WWC2: variants seen among roughly 807,000 people sequenced by gnomAD.
The protein encoded by WWC2 is WW and C2 domain containing 2.
In WWC2, 101 loss-of-function variants were observed where a neutral mutation model predicts 138.5. The observed-to-expected ratio is 0.73, with a 90% CI of 0.62 to 0.86. The LOEUF (loss-of-function observed/expected upper bound fraction) is 0.86, where lower values mean the gene tolerates loss of function less well. Among genes scored for constraint, WWC2 ranks in the 40% least tolerant of loss-of-function variants. The pLI, the probability that WWC2 is intolerant of heterozygous loss-of-function variation, is 0.00. For synonymous variants in WWC2, 558 were observed against 538.4 expected (o/e 1.04, Z -0.50); for missense variants, 1,420 against 1,419.4 (o/e 1.00, Z -0.01).
At chr4:183,305,596 A>G (rs1739000489) in intron 21 of WWC2, among the ~76,000 whole-genome samples, 1 of 152,190 alleles carries the variant, frequency 6.6e-6, no homozygotes, top group African/African-American at 2.4e-5. Context: ...GCAAGAAGAG[A>G]GTGAGATGCA....
chr4:183,260,296 G>A (rs967062765), intron 10 of WWC2, among the ~76,000 whole-genome samples: 7 of 151,960 alleles, frequency 4.6e-5, no homozygotes, highest in African/African-American at 1.7e-4. Context: ...TTATCAACAG[G>A]TATTTGATTC....
At chr4:183,200,743 A>G (rs913363725) in intron 2 of WWC2, among the ~76,000 whole-genome samples, 1 of 152,218 alleles carries the variant, frequency 6.6e-6, no homozygotes, top group African/African-American at 2.4e-5. Flanking sequence ...ACAGCTCACA[A>G]CGGGGCAGCT....
chr4:183,203,729 G>T (rs146267292), intron 2 of WWC2: 1 of 152,080 alleles, frequency 6.6e-6, no homozygotes, highest in Non-Finnish European at 1.5e-5. Context: ...CCAGAGCTGC[G>T]TATTTATTCA....
chr4:183,156,928 C>T (rs1733823457), intron 1 of WWC2, among the ~76,000 whole-genome samples: 1 of 152,136 alleles, frequency 6.6e-6, no homozygotes, highest in Non-Finnish European at 1.5e-5. Flanking sequence ...ACATACATCT[C>T]TTCCCTCGTA....
At chr4:183,246,745 C>A (rs911710988) in intron 6 of WWC2, among the ~76,000 whole-genome samples, 1 of 152,156 alleles carries the variant, frequency 6.6e-6, no homozygotes, top group Non-Finnish European at 1.5e-5. Context: ...CCCAGGCAGT[C>A]TGGGTTAACG....
chr4:183,116,917 T>C lies in WWC2; in HGVS notation c.131+17295T>C, dbSNP rs147253456. Among the ~76,000 whole-genome samples the C allele has an allele frequency of 5.6e-4, 86 of 152,304 alleles. 1 individual carries two copies. The highest frequency in any genetic ancestry group is 2.0e-3 in the African/African-American group (83 of 41,572). On this transcript the variant is annotated intron_variant, in intron 1 of 22. Transcript: ENST00000403733. ...TATTAGTTGCTCAAATAAATCCTAA[T>C]TTGATTCTGTCATTTCTGCCTTGTT...
At chr4:183,288,185 G>A (rs1156259159) in intron 20 of WWC2, among the ~76,000 whole-genome samples, 1 of 152,190 alleles carries the variant, frequency 6.6e-6, no homozygotes, top group Non-Finnish European at 1.5e-5. Flanking sequence ...AGTATGTACT[G>A]GATGTGGAGG....
At chr4:183,303,061 A>C (rs1197173956) in intron 21 of WWC2, among the ~76,000 whole-genome samples, 2 of 50,874 alleles carry the variant, frequency 3.9e-5, no homozygotes, top group African/African-American at 1.4e-4. Flanking sequence ...ACTCCATCTC[A>C]AAAAAAAAAA....
chr4:183,193,041 G>A (rs77166350), intron 1 of WWC2, among the ~76,000 whole-genome samples: 2,012 of 152,276 alleles, frequency 0.013, 48 homozygotes, highest in African/African-American at 0.044. Context: ...TGAATACTTG[G>A]TGTATTTGGT....
At chr4:183,221,300 A>G (rs1182208687) in intron 4 of WWC2, among the ~76,000 whole-genome samples, 1 of 152,248 alleles carries the variant, frequency 6.6e-6, no homozygotes, top group Non-Finnish European at 1.5e-5. Flanking sequence ...CCTGGAATAA[A>G]GACCAATACA....
chr4:183,138,411 A>G (rs1272223676), intron 1 of WWC2, among the ~76,000 whole-genome samples: 1 of 152,206 alleles, frequency 6.6e-6, no homozygotes, highest in Non-Finnish European at 1.5e-5. Flanking sequence ...TGCTTAGCTC[A>G]GGGGTTTGGA....
At chr4:183,287,922 C>T (rs1738310418) in intron 20 of WWC2, among the ~76,000 whole-genome samples, 1 of 152,178 alleles carries the variant, frequency 6.6e-6, no homozygotes, top group South Asian at 2.1e-4. Context: ...CTGGCCAACC[C>T]TACAAGTCAG....
intron 1 of WWC2, among the ~76,000 whole-genome samples, chr4:183,135,363 A>G (rs1006669191): frequency 2.7e-5 from 4 of 150,728 alleles, no homozygotes; most frequent in African/African-American, 9.7e-5. Flanking sequence ...TTTTCTCTCT[A>G]CTAGCTTAGA....
chr4:183,310,306 G>C (rs1002616819), intron 21 of WWC2, among the ~76,000 whole-genome samples: 1 of 152,108 alleles, frequency 6.6e-6, no homozygotes, highest in Non-Finnish European at 1.5e-5. Context: ...AGTCGGGGCA[G>C]GGAGTCAATG....
chr4:183,151,692 A>C (rs924953586), intron 1 of WWC2, among the ~76,000 whole-genome samples: 1 of 152,192 alleles, frequency 6.6e-6, no homozygotes, highest in African/African-American at 2.4e-5. Context: ...TTAAGTCTTT[A>C]ATCCATCTTG....
chr4:183,312,564 C>T (rs1158542387), intron 22 of WWC2, 96 bp downstream of exon 22: 2 of 1,547,712 alleles, frequency 1.3e-6, no homozygotes, highest in Non-Finnish European at 1.8e-6. Flanking sequence ...ATATGAGGAT[C>T]CGAGACAGAA....
intron 4 of WWC2, among the ~76,000 whole-genome samples, chr4:183,217,778 T>C (rs1398172673): frequency 5.3e-5 from 8 of 152,284 alleles, no homozygotes; most frequent in African/African-American, 1.7e-4. Flanking sequence ...AGCATGTCAG[T>C]GTCCTGTGGT....
intron 20 of WWC2, among the ~76,000 whole-genome samples, chr4:183,286,518 A>C (rs890420489): frequency 1.3e-5 from 2 of 151,958 alleles, no homozygotes; most frequent in African/African-American, 4.8e-5. Flanking sequence ...GTTAAAACTC[A>C]TGTGGGTGGG....
At chr4:183,208,215 A>G in intron 3 of WWC2, 59 bp downstream of exon 3, 3 of 1,549,930 alleles carry the variant, frequency 1.9e-6, no homozygotes, top group South Asian at 1.2e-5. Context: ...AGATAACAGA[A>G]GACCACTTAC....
Sources: gnomAD v4.1 joint callset for allele counts (sites outside exome capture counted in the v4.1 genomes callset) on GRCh38, gnomAD v4.1.1 for gene constraint, MANE v1.5 for transcripts, NCBI Gene and HGNC (gene_info 2026-07-23, HGNC 2026-07-21) for gene names.